The following CAPN10 variants were observed in gnomAD, a reference collection of about 807,000 sequenced individuals.
The protein encoded by CAPN10 is calpain-10.
A neutral mutation model predicts 78.4 loss-of-function variants in CAPN10; 71 were observed. That is an observed-to-expected ratio of 0.91 (90% CI 0.75 to 1.10). CAPN10 has a LOEUF of 1.10. Ranked by LOEUF, CAPN10 falls within the 50% of genes least tolerant of loss-of-function variation. CAPN10 has a pLI of 0.00. For synonymous variants in CAPN10, 437 were observed against 407.2 expected (o/e 1.07, Z -0.88); for missense variants, 849 against 924.6 (o/e 0.92, Z 1.06).
In CAPN10 at chr2:240,598,062, G is replaced by A. The variant is rs760113108; in HGVS notation, c.1918G>A (p.Val640Met). 52 of 1,610,844 alleles carry A rather than the reference G, an allele frequency of 3.2e-5. No individual in the cohort carries two copies. Among genetic ancestry groups the A allele is most frequent in the Non-Finnish European group, 4.3e-5 (51 of 1,178,130 alleles). Reference protein sequence around the residue: ...YLPDTEGAFTVTIATRIDRPS... With the variant: ...YLPDTEGAFTMTIATRIDRPS... ...GCCGGACACAGAGGGGGCCTTCACA[G>A]TGACCATCGCAACCAGGATTGACAG... is the stretch of plus-strand genomic sequence containing the variant. Residue 640 changes from valine (V) to methionine (M), a missense_variant, in exon 10 of 12, where the codon GTG (valine) becomes ATG (methionine). Physicochemically the swap from Val to Met is conservative, Grantham distance 21. Transcript: ENST00000391984.
intron 7 of CAPN10, 22 bp downstream of exon 7, chr2:240,595,326 C>T: frequency 6.2e-7 from 1 of 1,608,410 alleles, no homozygotes. Context: ...CCGTCTGGCT[C>T]ACGCTCGGTT....
Position 240,596,872 on chromosome 2 carries a change from G to C in CAPN10, c.1673G>C (p.Arg558Pro). 3 of 1,613,554 alleles carry C rather than the reference G, an allele frequency of 1.9e-6. No individual in the cohort carries two copies. The highest frequency in any genetic ancestry group is 2.5e-6 in the Non-Finnish European group (3 of 1,180,014). The change falls in exon 9 of 12, where the codon CGC becomes CCC. Residue 558 changes from arginine to proline, a missense_variant. By Grantham distance (103) the Arg-to-Pro change is moderately radical. Transcript: ENST00000391984. ...GAGGGCCCTGGCCCCCGCTGCGTCC[G>C]CATCACTCTGCATCAGCACTGCCGG... ...VPEGPGPRCV[R>P]ITLHQHCRPS...
At position 240,598,644 on chromosome 2, in the gene CAPN10, T is replaced by C. The variant is rs55878652; in HGVS notation, c.1990-7T>C. On this transcript the variant is annotated splice_region_variant and splice_polypyrimidine_tract_variant and intron_variant, in intron 11 of 11. Transcript: ENST00000391984. Reference sequence around the variant, plus strand: ...CCGCTGCCCGGGCCCCCCATCTGTCTTTGCAGGTCTCCATCATGGCAGTGA... The same window carrying C: ...CCGCTGCCCGGGCCCCCCATCTGTCCTTGCAGGTCTCCATCATGGCAGTGA... 0.16 allele frequency: 248,992 copies of C among 1,574,684 alleles called. 20,951 individuals are homozygous for C. The highest frequency in any genetic ancestry group is 0.19 in the South Asian group (16,429 of 85,880).
intron 9 of CAPN10, 106 bp downstream of exon 9, chr2:240,597,048 G>A: frequency 2.1e-6 from 3 of 1,405,508 alleles, no homozygotes; most frequent in Admixed American, 3.7e-5. Flanking sequence ...CAGTCACTTG[G>A]GCTCCCCCTG....
At position 240,596,495 on chromosome 2, in the gene CAPN10, C is replaced by T. The variant is rs1402756783; in HGVS notation, c.1455C>T (p.Val485=). 1.2e-6 allele frequency: 2 copies of T among 1,610,666 alleles called. No individual in the cohort carries two copies. The highest frequency in any genetic ancestry group is 2.2e-5 in the South Asian group (2 of 90,924). ...CGCCAGGGGAGTTCCTGCTCCGAGT[C>T]TTCTCTACCGGGCGAGTCTCCCTTA... ...KDAPGEFLLR[V]FSTGRVSLSA... The change falls in exon 8 of 12, where the codon GTC becomes GTT. Residue 485 remains valine (V), a synonymous_variant. Transcript: ENST00000391984.
rs1246516258 is a variant in CAPN10, at chr2:240,586,954, C to G, written c.43C>G (p.Arg15Gly). The G allele has an allele frequency of 1.4e-6, 2 of 1,478,838 alleles. No homozygotes were observed. Among genetic ancestry groups the G allele is most frequent in the Non-Finnish European group, 1.8e-6 (2 of 1,115,238 alleles). The allele number at this position is 1,478,838 out of a possible 1,614,324, so 91.6% of individuals were successfully genotyped here. A position where few individuals can be genotyped will look rare whatever the true frequency, so the allele number is the denominator to read the frequency against. ...CGCGACGCCGGCGAGGGAGCTGTTCCGGGACGCCGCCTTCCCCGCCGCGGA... is the reference window on the plus strand; with the variant it reads ...CGCGACGCCGGCGAGGGAGCTGTTCGGGGACGCCGCCTTCCCCGCCGCGGA... ...RGATPARELF[R>G]DAAFPAADSS... Residue 15 changes from arginine to glycine, a missense_variant, in exon 1 of 12, where the codon CGG becomes GGG. Transcript: ENST00000391984.
intron 10 of CAPN10, 91 bp downstream of exon 10, chr2:240,598,178 C>T: frequency 7.2e-7 from 1 of 1,386,046 alleles, no homozygotes; most frequent in Non-Finnish European, 1.0e-6. Flanking sequence ...CTGCCTGCCC[C>T]TCACCCTCAA....
At chr2:240,597,073 G>T (rs776734303) in intron 9 of CAPN10, 131 bp downstream of exon 9, 11 of 1,146,720 alleles carry the variant, frequency 9.6e-6, no homozygotes, top group Non-Finnish European at 1.4e-5. Flanking sequence ...TCGAGGCGCT[G>T]CCTAGAACCC....
rs1318940728 is a variant in CAPN10, at chr2:240,589,324, AC to A, written c.142-18del. 6.2e-7 allele frequency: 1 copy of A among 1,613,988 alleles called. No homozygotes were observed. The highest frequency in any genetic ancestry group is 1.1e-5 in the South Asian group (1 of 91,084). ...CACAGCAGGCATGATCTAACTCTGG[AC>A]AACTTTCTGTATCTCAGGAGATTTG... is the stretch of plus-strand genomic sequence containing the variant. On this transcript the variant is annotated intron_variant, in intron 1 of 11. Transcript: ENST00000391984.
chr2:240,596,720 A>G lies in CAPN10; in HGVS notation c.1521A>G (p.Ala507=). 6.3e-7 allele frequency: 1 copy of G among 1,580,224 alleles called. No individual in the cohort carries two copies. The highest frequency in any genetic ancestry group is 1.2e-5 in the South Asian group (1 of 85,772). The change falls in exon 9 of 12, where the codon GCA becomes GCG. Residue 507 remains alanine (A), a synonymous_variant. Coordinates refer to ENST00000391984, the MANE Select transcript of CAPN10 (RefSeq NM_023083.4). ...RAVAKNTTPG[A]ALPAGEWGTV... Reference sequence around the variant, plus strand: ...TGGCCAAGAACACCACCCCCGGGGCAGCCCTGCCTGCGGGGGAGTGGGGGA... The same window carrying G: ...TGGCCAAGAACACCACCCCCGGGGCGGCCCTGCCTGCGGGGGAGTGGGGGA...
At chr2:240,596,098 C>G (rs1180463820) in intron 7 of CAPN10, 1 of 1,536,578 alleles carries the variant, frequency 6.5e-7, no homozygotes, top group Non-Finnish European at 8.8e-7. Context: ...GGAGGACTTG[C>G]AGGCTCGTGT....
chr2:240,587,206 T>C (rs2093074092), intron 1 of CAPN10, among the ~76,000 whole-genome samples, 154 bp downstream of exon 1: 1 of 152,198 alleles, frequency 6.6e-6, no homozygotes, highest in South Asian at 2.1e-4. Flanking sequence ...CCTCTTTTCG[T>C]ACCTCCTTCA....
chr2:240,595,638 C>CCAG (rs1223368431), intron 7 of CAPN10, among the ~76,000 whole-genome samples: 18 of 152,224 alleles, frequency 1.2e-4, no homozygotes, highest in African/African-American at 3.9e-4. Flanking sequence ...GGAGGTAGAG[C>CCAG]CAGCGGCTGA....
In CAPN10 at chr2:240,598,364, C is replaced by G; in HGVS notation, c.1956C>G (p.His652Gln). 1 of 1,613,876 alleles carries G rather than the reference C, an allele frequency of 6.2e-7. No homozygotes were observed. The highest frequency in any genetic ancestry group is 8.5e-7 in the Non-Finnish European group (1 of 1,180,004). ...IATRIDRPSI[H>Q]SQEMLGQFLQ... ...TGTCTCTCCACAGGCCATCCATTCACAGCCAGGAGATGCTGGGCCAGTTCC... is the reference window on the plus strand; with the variant it reads ...TGTCTCTCCACAGGCCATCCATTCAGAGCCAGGAGATGCTGGGCCAGTTCC... The change falls in exon 11 of 12, where the codon CAC becomes CAG. Residue 652 changes from histidine (H) to glutamine (Q), a missense_variant. His to Gln is a conservative substitution (Grantham distance 24). Coordinates refer to ENST00000391984, the MANE Select transcript of CAPN10 (RefSeq NM_023083.4).
At chr2:240,591,825 G>C in intron 3 of CAPN10, 108 bp from the exon 4 acceptor site, 1 of 902,746 alleles carries the variant, frequency 1.1e-6, no homozygotes, top group Non-Finnish European at 1.7e-6. Flanking sequence ...TAAAGAGGTG[G>C]GATTGAGGCA....
chr2:240,594,547 G>GAAGGGTGGAGCCAGGTAGATGC lies in CAPN10; in HGVS notation c.837_858dup (p.Ala287ArgfsTer12), dbSNP rs1559425580. ...CTGAGATGAGGTTTCTTCCAGGGGT[G>GAAGGGTGGAGCCAGGTAGATGC]AAGGGTGGAGCCAGGTAGATGCAGC... On this transcript the variant is annotated frameshift_variant, in exon 6 of 12. Transcript: ENST00000391984. LOFTEE classifies it high-confidence loss of function. The GAAGGGTGGAGCCAGGTAGATGC allele has an allele frequency of 4.3e-6, 7 of 1,612,940 alleles. No homozygotes were observed. The highest frequency in any genetic ancestry group is 5.9e-6 in the Non-Finnish European group (7 of 1,179,428).
chr2:240,598,385 G>T lies in CAPN10; in HGVS notation c.1977G>T (p.Gln659His). The T allele has an allele frequency of 6.2e-7, 1 of 1,613,816 alleles. No homozygotes were observed. The highest frequency in any genetic ancestry group is 8.5e-7 in the Non-Finnish European group (1 of 1,179,994). ...PSIHSQEMLG[Q>H]FLQEVSIMAV... ...TTCACAGCCAGGAGATGCTGGGCCAGTTCCTCCAAGAGGTGTGTATGCAGC... is the reference window on the plus strand; with the variant it reads ...TTCACAGCCAGGAGATGCTGGGCCATTTCCTCCAAGAGGTGTGTATGCAGC... Residue 659 changes from glutamine (Q) to histidine (H), a missense_variant, in exon 11 of 12, where the codon CAG becomes CAT. Coordinates refer to ENST00000391984, the MANE Select transcript of CAPN10 (RefSeq NM_023083.4).
At chr2:240,597,462 T>C (rs1348872501) in intron 9 of CAPN10, among the ~76,000 whole-genome samples, 2 of 152,180 alleles carry the variant, frequency 1.3e-5, no homozygotes, top group Non-Finnish European at 2.9e-5. Context: ...TCTGCAGACA[T>C]GTGTCCCCTG....
Position 240,591,404 on chromosome 2 carries a change from G to A in CAPN10, c.470+393G>A, listed in dbSNP as rs1243331813. The A allele has an allele frequency of 3.0e-5, 7 of 236,258 alleles. 1 individual carries two copies. The East Asian group carries it at 4.0e-4, about 14-fold the overall frequency. 14.6% of individuals were successfully genotyped at this position (236,258 alleles called of 1,614,324 possible). A position where few individuals can be genotyped will look rare whatever the true frequency, so the allele number is the denominator to read the frequency against. Reference sequence around the variant, plus strand: ...AGGCTACCCCAGCATACCAACACTTGTGTATCACGGTGCTTGCTGGCTCAG... The same window carrying A: ...AGGCTACCCCAGCATACCAACACTTATGTATCACGGTGCTTGCTGGCTCAG... On this transcript the variant is annotated intron_variant, in intron 3 of 11. Coordinates refer to ENST00000391984, the MANE Select transcript of CAPN10 (RefSeq NM_023083.4).
Sources: gnomAD v4.1 joint callset for allele counts (sites outside exome capture counted in the v4.1 genomes callset) on GRCh38, gnomAD v4.1.1 for gene constraint, MANE v1.5 for transcripts, NCBI Gene and HGNC (gene_info 2026-07-23, HGNC 2026-07-21) for gene names.